EYA2: variants seen among roughly 807,000 people sequenced by gnomAD.
EYA2 encodes the protein protein phosphatase EYA2.
EYA2 carries 31 observed loss-of-function variants against 69.2 expected under a neutral mutation model. The ratio of observed to expected loss-of-function variants is 0.45; its 90% CI spans 0.34 to 0.60. The LOEUF (loss-of-function observed/expected upper bound fraction) is 0.60. Among genes scored for constraint, EYA2 ranks in the 20% least tolerant of loss-of-function variants. The probability of loss-of-function intolerance (pLI) is 0.02; values close to 1 mark genes in which losing one functional copy is unlikely to be tolerated. For synonymous variants in EYA2, 257 were observed against 279.4 expected, an observed-to-expected ratio of 0.92 and a Z score of 0.80; for missense variants, 622 against 701.2, an observed-to-expected ratio of 0.89 and a Z score of 1.28.
intron 1 of EYA2, among the ~76,000 whole-genome samples, chr20:46,957,211 C>T (rs534415212): frequency 6.6e-6 from 1 of 152,302 alleles, no homozygotes; most frequent in African/African-American, 2.4e-5. Flanking sequence ...GACCTCTGGT[C>T]AGCTCTTTAC....
At chr20:47,036,709 T>A (rs957254982) in intron 5 of EYA2, among the ~76,000 whole-genome samples, 2 of 152,220 alleles carry the variant, frequency 1.3e-5, no homozygotes, top group African/African-American at 4.8e-5. Context: ...AAGTTCTTGC[T>A]TTATTTATTT....
chr20:47,083,902 A>G (rs1435029513), intron 7 of EYA2, among the ~76,000 whole-genome samples: 1 of 152,242 alleles, frequency 6.6e-6, no homozygotes, highest in East Asian at 1.9e-4. Context: ...TATATAGAAT[A>G]TAGAAGGAGT....
intron 1 of EYA2, among the ~76,000 whole-genome samples, chr20:46,931,405 C>T (rs537001783): frequency 1.7e-4 from 26 of 152,202 alleles, no homozygotes; most frequent in African/African-American, 4.8e-4. Context: ...AGTACGCTGG[C>T]GACATGGCAC....
intron 4 of EYA2, among the ~76,000 whole-genome samples, chr20:47,014,311 G>A (rs1983269338): frequency 6.6e-6 from 1 of 152,128 alleles, no homozygotes; most frequent in Non-Finnish European, 1.5e-5. Flanking sequence ...TTACGGGGTT[G>A]ACAGGATAAG....
At chr20:47,186,894 A>G (rs6094625) in intron 15 of EYA2, among the ~76,000 whole-genome samples, 11,342 of 152,224 alleles carry the variant, frequency 0.075, 1,153 homozygotes, top group African/African-American at 0.22. Context: ...ACATATATAT[A>G]CAATTTGTCC....
intron 14 of EYA2, 145 bp from the exon 15 acceptor site, chr20:47,183,146 C>A: frequency 1.4e-6 from 1 of 714,440 alleles, no homozygotes; most frequent in Non-Finnish European, 2.4e-6. Context: ...ACAGGGCTCA[C>A]CTCAGAAGTT....
chr20:47,083,568 A>G (rs1314716231), intron 7 of EYA2, among the ~76,000 whole-genome samples: 1 of 109,560 alleles, frequency 9.1e-6, no homozygotes, highest in East Asian at 2.6e-4. Flanking sequence ...ACAGAGCAAG[A>G]GTCCATCTCA....
chr20:46,993,736 A>G (rs1981839041), intron 2 of EYA2, among the ~76,000 whole-genome samples: 1 of 152,212 alleles, frequency 6.6e-6, no homozygotes, highest in African/African-American at 2.4e-5. Flanking sequence ...TGTGAAGGAA[A>G]AAGGCAGGGG....
At chr20:46,999,892 TGTG>T (rs1320584762) in intron 2 of EYA2, among the ~76,000 whole-genome samples, 1 of 152,202 alleles carries the variant, frequency 6.6e-6, no homozygotes, top group Non-Finnish European at 1.5e-5. Flanking sequence ...AGAGCGCTGT[TGTG>T]AGGACTCAAT....
rs1401926728 is a variant in EYA2 at position 47,156,063 on chromosome 20, T to C, written c.978+12915T>C. On this transcript the variant is annotated intron_variant, in intron 10 of 15. Coordinates refer to ENST00000327619, the MANE Select transcript of EYA2 (RefSeq NM_005244.5). ...ACACACACACACACATATATATACATACACACACACACACATATATATACA... is the reference window on the plus strand; with the variant it reads ...ACACACACACACACATATATATACACACACACACACACACATATATATACA... Among the ~76,000 whole-genome samples, 55 of 45,584 alleles carry C rather than the reference T, an allele frequency of 1.2e-3. 1 individual carries two copies. The highest frequency in any genetic ancestry group is 2.2e-3 in the African/African-American group (17 of 7,806). 29.9% of individuals were successfully genotyped at this position (45,584 alleles called of 152,430 possible).
chr20:47,000,219 C>G (rs772846745), intron 2 of EYA2, among the ~76,000 whole-genome samples: 13 of 152,184 alleles, frequency 8.5e-5, no homozygotes, highest in Non-Finnish European at 1.3e-4. Context: ...GAGCTTGGCA[C>G]GTAATAAGCA....
chr20:47,037,434 A>G (rs1194913375), intron 5 of EYA2, among the ~76,000 whole-genome samples: 1 of 152,250 alleles, frequency 6.6e-6, no homozygotes, highest in Non-Finnish European at 1.5e-5. Flanking sequence ...TACGTGTTGC[A>G]TTGTTATGTG....
At chr20:46,972,545 A>C (rs1980205317) in intron 1 of EYA2, among the ~76,000 whole-genome samples, 1 of 152,034 alleles carries the variant, frequency 6.6e-6, no homozygotes, top group Admixed American at 6.5e-5. Flanking sequence ...CTTCACTTTT[A>C]AGGATGGAGA....
chr20:47,172,559 A>C (rs1470850548), intron 11 of EYA2, 148 bp from the exon 12 acceptor site: 1 of 680,656 alleles, frequency 1.5e-6, no homozygotes, highest in Non-Finnish European at 2.4e-6. Flanking sequence ...CTGCCCCCCA[A>C]ATGCACACTC....
At chr20:46,959,029 G>A (rs888818349) in intron 1 of EYA2, among the ~76,000 whole-genome samples, 1 of 152,188 alleles carries the variant, frequency 6.6e-6, no homozygotes, top group African/African-American at 2.4e-5. Context: ...TTTATAATAG[G>A]ATGATTTCCA....
At chr20:46,921,400 A>T (rs572730472) in intron 1 of EYA2, among the ~76,000 whole-genome samples, 1 of 152,248 alleles carries the variant, frequency 6.6e-6, no homozygotes, top group Non-Finnish European at 1.5e-5. Flanking sequence ...CGTGATGCTT[A>T]TCTTGCCCAG....
intron 10 of EYA2, among the ~76,000 whole-genome samples, chr20:47,160,061 T>C (rs1002707121): frequency 6.6e-6 from 1 of 152,080 alleles, no homozygotes; most frequent in Non-Finnish European, 1.5e-5. Context: ...GTGCTTTTAT[T>C]TGGAGGGAGG....
chr20:47,072,754 A>G (rs2146474497), intron 6 of EYA2, among the ~76,000 whole-genome samples: 1 of 152,334 alleles, frequency 6.6e-6, no homozygotes, highest in East Asian at 1.9e-4. Context: ...AAGTGAATTA[A>G]GAGTTCGCAT....
chr20:46,951,939 T>A (rs1474251793), intron 1 of EYA2, among the ~76,000 whole-genome samples: 21 of 152,234 alleles, frequency 1.4e-4, no homozygotes, highest in Non-Finnish European at 1.5e-5. Flanking sequence ...CTCTCCCTCT[T>A]CCTTCCTCTC....
Sources: allele counts gnomAD v4.1 joint callset (sites outside exome capture counted in the v4.1 genomes callset), GRCh38; gene constraint gnomAD v4.1.1; transcripts MANE v1.5; gene names NCBI Gene and HGNC (gene_info 2026-07-23, HGNC 2026-07-21).